MYH11: variants seen among roughly 807,000 people sequenced by gnomAD.
MYH11 encodes the protein myosin heavy chain 11.
A neutral mutation model predicts 246.6 loss-of-function variants in MYH11; 80 were observed. The observed-to-expected ratio is 0.32, with a 90% CI of 0.27 to 0.39. MYH11 has a LOEUF of 0.39. Among genes scored for constraint, MYH11 ranks in the 10% least tolerant of loss-of-function variants. The pLI is 1.00. For missense variants in MYH11, 2,158 were observed against 2,546.8 expected (o/e 0.85, Z 3.29); for synonymous variants, 1,071 against 1,015.5 (o/e 1.05, Z -1.04).
intron 5 of MYH11, among the ~76,000 whole-genome samples, chr16:15,784,512 C>T (rs1479395585): frequency 6.6e-6 from 1 of 152,026 alleles, no homozygotes; most frequent in African/African-American, 2.4e-5. Flanking sequence ...CCCCCACACC[C>T]TTCCCTGGCA....
chr16:15,747,943 G>C lies in MYH11; in HGVS notation c.2181C>G (p.Arg727=). The C allele has an allele frequency of 3.1e-6, 5 of 1,614,128 alleles. No homozygotes were observed. The highest frequency in any genetic ancestry group is 4.2e-6 in the Non-Finnish European group (5 of 1,180,040). The stretch of plus-strand genomic sequence containing the variant: ...TGGCATTCGCCGCCAGGATCTCGTA[G>C]CTTGAAACACAGAGCAGAAGTCACC... The part of the protein sequence containing the change: ...NRIVFQEFRQ[R]YEILAANAIP... The change falls in exon 18 of 41, where the codon CGC becomes CGG. Residue 727 remains arginine, a splice_region_variant and synonymous_variant. Coordinates refer to ENST00000300036, the MANE Select transcript of MYH11 (RefSeq NM_002474.3).
chr16:15,828,803 A>G (rs566541778), intron 2 of MYH11, among the ~76,000 whole-genome samples: 1 of 143,680 alleles, frequency 7.0e-6, no homozygotes, highest in Admixed American at 7.0e-5. Context: ...AAAAAAAAAA[A>G]GAAGGAAGGA....
rs1330393291 is a variant in MYH11 at position 15,833,368 on chromosome 16, A to AGAGG, written c.345+4536_345+4539dup. ...GACAGAGAAAGAAAGGAAGAAAGAG[A>AGAGG]GAGGGAGGGAGGGAGGGAGGAAGGA... On this transcript the variant is annotated intron_variant, in intron 2 of 40. Coordinates refer to ENST00000300036, the MANE Select transcript of MYH11 (RefSeq NM_002474.3). Among the ~76,000 whole-genome samples the AGAGG allele has an allele frequency of 6.5e-4, 85 of 131,348 alleles. No homozygotes were observed. In the East Asian group the frequency reaches 0.013, roughly 19 times the overall value. The allele number at this position is 131,348 out of a possible 152,430, so 86.2% of individuals were successfully genotyped here.
chr16:15,778,968 A>G, intron 6 of MYH11, 125 bp from the exon 7 acceptor site: 1 of 916,022 alleles, frequency 1.1e-6, no homozygotes, highest in South Asian at 1.3e-5. Flanking sequence ...TCTTGCGAAC[A>G]CTCAGAACCC....
intron 4 of MYH11, among the ~76,000 whole-genome samples, chr16:15,794,435 T>C (rs1388904903): frequency 6.6e-6 from 1 of 152,248 alleles, no homozygotes; most frequent in Non-Finnish European, 1.5e-5. Context: ...CTGGGCTGAC[T>C]GGATGCATTT....
chr16:15,824,523 C>A (rs1332660641), intron 2 of MYH11, among the ~76,000 whole-genome samples: 2 of 152,136 alleles, frequency 1.3e-5, no homozygotes, highest in Non-Finnish European at 2.9e-5. Flanking sequence ...TGAGGTGATG[C>A]GCCAGTCTCA....
rs1038933376 is a variant in MYH11, at chr16:15,738,434, G to C, written c.3121+131C>G. The C allele has an allele frequency of 8.6e-6, 7 of 818,372 alleles. No individual in the cohort carries two copies. The African/African-American group carries it at 1.2e-4, about 14-fold the overall frequency. 50.7% of individuals were successfully genotyped at this position (818,372 alleles called of 1,614,324 possible). On this transcript the variant is annotated intron_variant, in intron 24 of 40. Coordinates refer to ENST00000300036, the MANE Select transcript of MYH11 (RefSeq NM_002474.3). Reference sequence around the variant, plus strand: ...AGGCTGAGGCAGGAGGATCACTGGAGCTTAGGAGTTTCGGGCTGCAGTGAG... The same window carrying C: ...AGGCTGAGGCAGGAGGATCACTGGACCTTAGGAGTTTCGGGCTGCAGTGAG...
At chr16:15,716,927 C>T (rs1333242570) in intron 38 of MYH11, among the ~76,000 whole-genome samples, 1 of 152,228 alleles carries the variant, frequency 6.6e-6, no homozygotes, top group African/African-American at 2.4e-5. Flanking sequence ...CTAAGAGCAG[C>T]TCACACTTTA....
intron 27 of MYH11, among the ~76,000 whole-genome samples, chr16:15,727,693 G>A (rs1596740302): frequency 2.6e-5 from 4 of 152,278 alleles, no homozygotes; most frequent in African/African-American, 7.2e-5. Flanking sequence ...ATGTTTGAAG[G>A]CATGCCATGG....
intron 29 of MYH11, 35 bp downstream of exon 29, chr16:15,724,853 C>G: frequency 6.2e-7 from 1 of 1,613,820 alleles, no homozygotes. Flanking sequence ...AAGGCCACCC[C>G]CCAGGTCCCC....
At chr16:15,768,524 A>G (rs1231375062) in intron 9 of MYH11, among the ~76,000 whole-genome samples, 1 of 152,156 alleles carries the variant, frequency 6.6e-6, no homozygotes, top group Non-Finnish European at 1.5e-5. Flanking sequence ...GTTGGTGTAC[A>G]TTTAGGACTA....
At chr16:15,794,243 G>C (rs1278898658) in intron 4 of MYH11, among the ~76,000 whole-genome samples, 1 of 152,202 alleles carries the variant, frequency 6.6e-6, no homozygotes, top group Non-Finnish European at 1.5e-5. Flanking sequence ...ACAGTGCGCG[G>C]CCAATTTTCA....
intron 3 of MYH11, among the ~76,000 whole-genome samples, chr16:15,802,050 CT>C (rs1189839211): frequency 1.3e-5 from 2 of 152,206 alleles, no homozygotes; most frequent in Admixed American, 6.5e-5. Context: ...ACCCATTCTA[CT>C]TCTATCCTGG....
intron 4 of MYH11, among the ~76,000 whole-genome samples, chr16:15,787,783 T>G (rs1261653039): frequency 6.6e-6 from 1 of 152,090 alleles, no homozygotes; most frequent in Non-Finnish European, 1.5e-5. Context: ...CAAGAAAGGA[T>G]GTAAGTGCCT....
At chr16:15,786,754 T>C in intron 4 of MYH11, 22 bp from the exon 5 acceptor site, 3 of 1,600,212 alleles carry the variant, frequency 1.9e-6, no homozygotes, top group South Asian at 1.1e-5. Flanking sequence ...GGGAACATCA[T>C]CTATGCACAC....
At position 15,717,156 on chromosome 16, in the gene MYH11, C is replaced by T. The variant is rs185904370; in HGVS notation, c.5488G>A (p.Val1830Ile). The T allele has an allele frequency of 3.7e-6, 6 of 1,614,216 alleles. No individual in the cohort carries two copies. The highest frequency in any genetic ancestry group is 1.6e-4 in the Middle Eastern group (1 of 6,062). ...CCCGCATACCTGGCCTCCTGCTCGA[C>T]CTGCTCCTCCAGCTGTGCAATCTTG... The part of the protein sequence containing the change: ...EAKIAQLEEQ[V>I]EQEAREKQAA... The change falls in exon 38 of 41, where the codon GTC (valine) becomes ATC (isoleucine). Residue 1830 changes from valine to isoleucine, a missense_variant. Physicochemically the swap from Val to Ile is conservative, Grantham distance 29. Around this residue, in one of 11 missense-constraint regions of MYH11, gnomAD observed 1,013 missense variants for 993.5 expected, o/e 1.02. Transcript: ENST00000300036.
intron 9 of MYH11, among the ~76,000 whole-genome samples, chr16:15,765,593 C>T (rs2041964472): frequency 1.3e-5 from 2 of 152,178 alleles, no homozygotes; most frequent in Non-Finnish European, 2.9e-5. Flanking sequence ...GTTCCAGGAA[C>T]AAAGCCTAGA....
At chr16:15,759,060 T>C (rs1341470832) in intron 12 of MYH11, among the ~76,000 whole-genome samples, 1 of 152,088 alleles carries the variant, frequency 6.6e-6, no homozygotes, top group Non-Finnish European at 1.5e-5. Flanking sequence ...TCCATGTTTC[T>C]ACTACATGAG....
chr16:15,843,347 G>A (rs898507131), intron 1 of MYH11, among the ~76,000 whole-genome samples: 5 of 151,452 alleles, frequency 3.3e-5, no homozygotes, highest in Admixed American at 6.6e-5. Context: ...CTCCAGCCTG[G>A]ACAACAGAGC....
Sources: gnomAD v4.1 joint callset for allele counts (sites outside exome capture counted in the v4.1 genomes callset) on GRCh38, gnomAD v4.1.1 for gene constraint, gnomAD v4.1.1 regional missense constraint, MANE v1.5 for transcripts, NCBI Gene and HGNC (gene_info 2026-07-23, HGNC 2026-07-21) for gene names.